Variants in SGCZ observed in about 807,000 individuals in gnomAD.
SGCZ encodes zeta-sarcoglycan.
A neutral mutation model predicts 41.3 loss-of-function variants in SGCZ; 40 were observed. That is an observed-to-expected ratio of 0.97 (90% CI 0.75 to 1.26). SGCZ has a LOEUF of 1.26. Ranked by LOEUF, SGCZ falls within the 50% of genes most tolerant of loss-of-function variation. SGCZ has a pLI of 0.00. For synonymous variants in SGCZ, 206 were observed against 137.5 expected (o/e 1.50, Z -3.49); for missense variants, 552 against 369.8 (o/e 1.49, Z -4.04).
At chr8:14,464,171 T>C (rs1800981411) in intron 2 of SGCZ, among the ~76,000 whole-genome samples, 1 of 151,686 alleles carries the variant, frequency 6.6e-6, no homozygotes, top group Non-Finnish European at 1.5e-5. Flanking sequence ...CGACATTTGT[T>C]AAAGTTTGAG....
intron 1 of SGCZ, among the ~76,000 whole-genome samples, chr8:15,153,951 C>G (rs1173311497): frequency 6.6e-6 from 1 of 152,160 alleles, no homozygotes; most frequent in East Asian, 1.9e-4. Flanking sequence ...CACCTCAGAT[C>G]TTCAGGCATT....
intron 1 of SGCZ, among the ~76,000 whole-genome samples, chr8:14,947,570 A>T (rs930538688): frequency 7.9e-5 from 12 of 152,166 alleles, no homozygotes; most frequent in African/African-American, 2.9e-4. Context: ...AACTGCACTG[A>T]ATATAAAACT....
At chr8:14,718,369 A>G (rs1368897576) in intron 1 of SGCZ, among the ~76,000 whole-genome samples, 2 of 152,086 alleles carry the variant, frequency 1.3e-5, no homozygotes, top group Admixed American at 6.6e-5. Flanking sequence ...ACAGAAAGCA[A>G]AATGTCACTA....
chr8:14,462,494 C>T (rs1279148688), intron 2 of SGCZ, among the ~76,000 whole-genome samples: 1 of 151,958 alleles, frequency 6.6e-6, no homozygotes. Context: ...CATTATAAAA[C>T]TATGCCTCAT....
At chr8:14,617,933 C>T (rs1012607819) in intron 1 of SGCZ, among the ~76,000 whole-genome samples, 7 of 151,550 alleles carry the variant, frequency 4.6e-5, no homozygotes, top group African/African-American at 7.3e-5. Context: ...TATCACAATA[C>T]GTTAAGAGGC....
chr8:14,605,990 T>G (rs1345487640), intron 1 of SGCZ, among the ~76,000 whole-genome samples: 1 of 152,128 alleles, frequency 6.6e-6, no homozygotes, highest in Non-Finnish European at 1.5e-5. Flanking sequence ...TGCCAAAAAC[T>G]GATAATCATT....
At chr8:15,226,854 A>G (rs2117197680) in intron 1 of SGCZ, among the ~76,000 whole-genome samples, 1 of 152,292 alleles carries the variant, frequency 6.6e-6, no homozygotes, top group Non-Finnish European at 1.5e-5. Flanking sequence ...ATACAGTGTG[A>G]TGGTCTTAAT....
At chr8:14,564,593 AT>A (rs1254156834) in intron 1 of SGCZ, among the ~76,000 whole-genome samples, 8 of 152,204 alleles carry the variant, frequency 5.3e-5, no homozygotes, top group Non-Finnish European at 1.0e-4. Context: ...AAAAGTACTC[AT>A]TTTTAAAATG....
intron 1 of SGCZ, among the ~76,000 whole-genome samples, chr8:15,056,313 T>C (rs79011801): frequency 0.087 from 13,198 of 152,218 alleles, 926 homozygotes; most frequent in African/African-American, 0.19. Flanking sequence ...GAGAGGAATA[T>C]GTTATTGTTT....
chr8:14,578,041 C>T (rs979157085), intron 1 of SGCZ, among the ~76,000 whole-genome samples: 1 of 152,182 alleles, frequency 6.6e-6, no homozygotes, highest in African/African-American at 2.4e-5. Flanking sequence ...CGGACTTTCA[C>T]AATCCTTGTG....
chr8:14,662,673 G>A (rs578205283), intron 1 of SGCZ, among the ~76,000 whole-genome samples: 55 of 152,226 alleles, frequency 3.6e-4, no homozygotes, highest in African/African-American at 8.7e-4. Flanking sequence ...TTACATTAGA[G>A]GACAAAAGAA....
intron 2 of SGCZ, among the ~76,000 whole-genome samples, chr8:14,440,231 C>T (rs1414746036): frequency 6.6e-6 from 1 of 151,806 alleles, no homozygotes; most frequent in Non-Finnish European, 1.5e-5. Flanking sequence ...ATTTTTCTAT[C>T]AAAAGATATA....
chr8:14,290,058 G>A (rs1378799864), intron 3 of SGCZ, among the ~76,000 whole-genome samples: 1 of 151,936 alleles, frequency 6.6e-6, no homozygotes, highest in East Asian at 1.9e-4. Context: ...CCATGACCCA[G>A]TCACCTCCCA....
intron 1 of SGCZ, among the ~76,000 whole-genome samples, chr8:14,860,367 G>A (rs568225815): frequency 6.6e-6 from 1 of 151,820 alleles, no homozygotes; most frequent in South Asian, 2.1e-4. Flanking sequence ...GGTGGTAACT[G>A]CAGACTTTAA....
At chr8:14,621,218 A>G (rs1366986529) in intron 1 of SGCZ, among the ~76,000 whole-genome samples, 1 of 145,268 alleles carries the variant, frequency 6.9e-6, no homozygotes, top group East Asian at 2.1e-4. Flanking sequence ...GTTCTCACTC[A>G]TAGGTGGGAA....
chr8:14,735,787 A>C (rs1799010901), intron 1 of SGCZ, among the ~76,000 whole-genome samples: 1 of 152,154 alleles, frequency 6.6e-6, no homozygotes, highest in Admixed American at 6.5e-5. Flanking sequence ...ATATTAGTAT[A>C]ACATGTCATG....
intron 1 of SGCZ, among the ~76,000 whole-genome samples, chr8:14,728,140 T>C (rs1810118718): frequency 6.6e-6 from 1 of 152,142 alleles, no homozygotes; most frequent in South Asian, 2.1e-4. Flanking sequence ...GATAAATATG[T>C]TCGAAACTTT....
At chr8:14,525,173 TAGA>T (rs1802907422) in intron 2 of SGCZ, among the ~76,000 whole-genome samples, 1 of 117,932 alleles carries the variant, frequency 8.5e-6, no homozygotes, top group Non-Finnish European at 1.6e-5. Context: ...GATAGATAGA[TAGA>T]TAGATAGATA....
At chr8:14,715,937 T>G (rs1190312901) in intron 1 of SGCZ, among the ~76,000 whole-genome samples, 1 of 152,124 alleles carries the variant, frequency 6.6e-6, no homozygotes, top group East Asian at 1.9e-4. Context: ...CAGTATATAC[T>G]GGTAAGATAA....
Sources: allele counts gnomAD v4.1 joint callset (sites outside exome capture counted in the v4.1 genomes callset), GRCh38; gene constraint gnomAD v4.1.1; transcripts MANE v1.5; gene names NCBI Gene and HGNC (gene_info 2026-07-23, HGNC 2026-07-21).